The following ENOX2 variants were observed in gnomAD, a reference collection of about 807,000 sequenced individuals.
ENOX2 encodes the protein APK1 antigen.
A neutral mutation model predicts 45.0 loss-of-function variants in ENOX2; 36 were observed. That is an observed-to-expected ratio of 0.80 (90% CI 0.61 to 1.06). The LOEUF (loss-of-function observed/expected upper bound fraction) is 1.06. Ranked by LOEUF, ENOX2 falls within the 50% of genes least tolerant of loss-of-function variation. ENOX2 has a pLI of 0.00. For missense variants in ENOX2, 423 were observed against 462.5 expected, an observed-to-expected ratio of 0.91 and a Z score of 0.78; for synonymous variants, 174 against 152.3, an observed-to-expected ratio of 1.14 and a Z score of -1.05.
intron 3 of ENOX2, among the ~76,000 whole-genome samples, chrX:130,712,926 C>T (rs1235539762): frequency 4.5e-5 from 5 of 112,038 alleles, no homozygotes; most frequent in African/African-American, 1.3e-4. Context: ...GGATTTGCCA[C>T]AGGTAACTCA....
intron 2 of ENOX2, among the ~76,000 whole-genome samples, chrX:130,814,471 C>A (rs1482654900): frequency 8.9e-6 from 1 of 111,742 alleles, no homozygotes; most frequent in Non-Finnish European, 1.9e-5. Context: ...CAGCAGTGGT[C>A]GACAGACACT....
At chrX:130,647,829 C>T (rs2036279297) in intron 10 of ENOX2, among the ~76,000 whole-genome samples, 1 of 110,428 alleles carries the variant, frequency 9.1e-6, no homozygotes, top group Admixed American at 9.6e-5. Flanking sequence ...GCAATATTTC[C>T]TTAACTTCCT....
intron 9 of ENOX2, among the ~76,000 whole-genome samples, chrX:130,664,821 C>T (rs866962101): frequency 8.9e-6 from 1 of 112,371 alleles, no homozygotes; most frequent in South Asian, 3.7e-4. Context: ...CTTGTAAATG[C>T]TATTTAAAAG....
intron 2 of ENOX2, among the ~76,000 whole-genome samples, chrX:130,804,031 C>T (rs2077261398): frequency 9.0e-6 from 1 of 111,401 alleles, no homozygotes; most frequent in South Asian, 3.8e-4. Context: ...GAATCTCCAC[C>T]AGAGCACTAA....
At chrX:130,720,695 T>C (rs956775538) in intron 3 of ENOX2, among the ~76,000 whole-genome samples, 7 of 111,994 alleles carry the variant, frequency 6.3e-5, no homozygotes, top group African/African-American at 2.3e-4. Context: ...AACTAACAGA[T>C]ACTGACTGAG....
intron 2 of ENOX2, among the ~76,000 whole-genome samples, chrX:130,797,491 C>T (rs372667406): frequency 2.7e-5 from 3 of 110,734 alleles, no homozygotes; most frequent in South Asian, 4.0e-4. Context: ...TAGACCCTCC[C>T]GCCCCGCCCT....
At chrX:130,643,938 C>T (rs767861995) in intron 10 of ENOX2, among the ~76,000 whole-genome samples, 2 of 111,514 alleles carry the variant, frequency 1.8e-5, no homozygotes, top group East Asian at 2.8e-4. Flanking sequence ...CATTATGGGC[C>T]ATAAAGCACA....
At chrX:130,726,404 G>C (rs757255867) in intron 3 of ENOX2, among the ~76,000 whole-genome samples, 144 of 112,376 alleles carry the variant, frequency 1.3e-3, no homozygotes, top group Non-Finnish European at 1.3e-3. Flanking sequence ...GGAAGAGACT[G>C]ACCAGACAGT....
chrX:130,708,438 G>C (rs1376751202), intron 3 of ENOX2, among the ~76,000 whole-genome samples: 2 of 111,947 alleles, frequency 1.8e-5, no homozygotes, highest in Non-Finnish European at 3.8e-5. Flanking sequence ...AGGTAGTAGA[G>C]CAAGAATATA....
At chrX:130,876,619 G>A (rs1210094353) in intron 2 of ENOX2, among the ~76,000 whole-genome samples, 1 of 111,648 alleles carries the variant, frequency 9.0e-6, no homozygotes, top group African/African-American at 3.3e-5. Context: ...TGATATGTAA[G>A]CCATACATCA....
intron 5 of ENOX2, among the ~76,000 whole-genome samples, chrX:130,684,717 G>A (rs1024652803): frequency 6.3e-5 from 7 of 111,898 alleles, no homozygotes; most frequent in Non-Finnish European, 3.8e-5. Context: ...TTCTGCCTTC[G>A]TGGGGTTTAT....
chrX:130,791,934 A>T (rs1430730010), intron 2 of ENOX2, among the ~76,000 whole-genome samples: 1 of 112,478 alleles, frequency 8.9e-6, no homozygotes, highest in Non-Finnish European at 1.9e-5. Flanking sequence ...CGTTCTATGT[A>T]CATCAGGTTA....
At chrX:130,858,114 CTT>C (rs772117481) in intron 2 of ENOX2, among the ~76,000 whole-genome samples, 18 of 92,489 alleles carry the variant, frequency 1.9e-4, no homozygotes, top group Admixed American at 2.4e-4. Flanking sequence ...GGGCTTTTTC[CTT>C]TTTTTTTTTT....
At chrX:130,869,037 T>C (rs1279835008) in intron 2 of ENOX2, among the ~76,000 whole-genome samples, 1 of 111,751 alleles carries the variant, frequency 8.9e-6, no homozygotes, top group Non-Finnish European at 1.9e-5. Flanking sequence ...AGCATTCAGA[T>C]TCAAATACTG....
intron 3 of ENOX2, among the ~76,000 whole-genome samples, chrX:130,732,917 A>G (rs1309395373): frequency 1.8e-5 from 2 of 111,494 alleles, no homozygotes; most frequent in Non-Finnish European, 3.8e-5. Flanking sequence ...GAAATGTAAA[A>G]CTCCTAGATG....
intron 1 of ENOX2, among the ~76,000 whole-genome samples, chrX:130,902,528 G>T (rs1449310539): frequency 9.2e-6 from 1 of 109,202 alleles, no homozygotes; most frequent in Non-Finnish European, 1.9e-5. Flanking sequence ...GGCAAAAAGA[G>T]AAAGTTTGAA....
intron 2 of ENOX2, among the ~76,000 whole-genome samples, chrX:130,898,744 T>C (rs1248857361): frequency 4.6e-5 from 5 of 109,749 alleles, no homozygotes; most frequent in Non-Finnish European, 9.5e-5. Flanking sequence ...TTCTTTTTTT[T>C]TTTTTTGTTG....
intron 10 of ENOX2, chrX:130,645,794 G>A (rs910546715): frequency 1.2e-6 from 1 of 805,206 alleles, no homozygotes; most frequent in South Asian, 2.2e-5. Context: ...TGGTCTTTGG[G>A]CTGTCGCTTG....
At chrX:130,637,500 T>G in intron 10 of ENOX2, 90 bp from the exon 11 acceptor site, 5 of 772,820 alleles carry the variant, frequency 6.5e-6, no homozygotes, top group Non-Finnish European at 9.3e-6. Context: ...TTCCTCTTGA[T>G]GAAGAACTTC....
Sources: gnomAD v4.1 joint callset for allele counts (sites outside exome capture counted in the v4.1 genomes callset) on GRCh38, gnomAD v4.1.1 for gene constraint, MANE v1.5 for transcripts, NCBI Gene and HGNC (gene_info 2026-07-23, HGNC 2026-07-21) for gene names.